The following GPR176 variants were observed in gnomAD, a reference collection of about 807,000 sequenced individuals.
GPR176 encodes the protein G protein-coupled receptor 176.
In GPR176, 26 loss-of-function variants were observed where a neutral mutation model predicts 35.4. The observed-to-expected ratio is 0.74, with a 90% CI of 0.54 to 1.02. GPR176 has a LOEUF of 1.02. Ranked by LOEUF, GPR176 falls within the 50% of genes least tolerant of loss-of-function variation. The pLI, the probability that GPR176 is intolerant of heterozygous loss-of-function variation, is 0.00. For missense variants in GPR176, 597 were observed against 665.3 expected (o/e 0.90, Z 1.13); for synonymous variants, 278 against 271.3 (o/e 1.02, Z -0.24).
At chr15:39,812,150 T>A (rs1341127849) in intron 1 of GPR176, among the ~76,000 whole-genome samples, 1 of 152,234 alleles carries the variant, frequency 6.6e-6, no homozygotes, top group East Asian at 1.9e-4. Flanking sequence ...AAGAATCTTA[T>A]AACAGTATTG....
At chr15:39,816,389 A>G (rs1899908681) in intron 1 of GPR176, among the ~76,000 whole-genome samples, 1 of 152,244 alleles carries the variant, frequency 6.6e-6, no homozygotes, top group Non-Finnish European at 1.5e-5. Flanking sequence ...ACACAGATAT[A>G]TACCATTTTT....
At chr15:39,870,720 T>C (rs182690275) in intron 1 of GPR176, among the ~76,000 whole-genome samples, 1 of 152,130 alleles carries the variant, frequency 6.6e-6, no homozygotes, top group African/African-American at 2.4e-5. Flanking sequence ...TTACACTGCA[T>C]AATATATGAG....
chr15:39,907,517 C>G (rs1317714906), intron 1 of GPR176, among the ~76,000 whole-genome samples: 1 of 152,232 alleles, frequency 6.6e-6, no homozygotes, highest in Non-Finnish European at 1.5e-5. Context: ...ATTTTCCCAA[C>G]CATACACCTG....
In GPR176 at chr15:39,881,452, C is replaced by T. The variant is rs149458787; in HGVS notation, c.172+38403G>A. On this transcript the variant is annotated intron_variant, in intron 1 of 2. Coordinates refer to ENST00000561100, the MANE Select transcript of GPR176 (RefSeq NM_007223.3). ...TCAGGCAATCAATCGGTCAAGTGTC[C>T]AGTGGCGGGATTTGGCTGTTTGAGA... 2.6e-5 allele frequency among the ~76,000 whole-genome samples: 4 copies of T among 152,296 alleles called. No individual in the cohort carries two copies. In the East Asian group the frequency reaches 7.7e-4, roughly 29 times the overall value.
At chr15:39,888,861 T>G (rs952106847) in intron 1 of GPR176, among the ~76,000 whole-genome samples, 1 of 152,168 alleles carries the variant, frequency 6.6e-6, no homozygotes, top group Non-Finnish European at 1.5e-5. Flanking sequence ...AGGTAATTGT[T>G]TGCGATAAAC....
At chr15:39,896,853 TG>T (rs1295691128) in intron 1 of GPR176, among the ~76,000 whole-genome samples, 3 of 152,208 alleles carry the variant, frequency 2.0e-5, no homozygotes, top group Non-Finnish European at 4.4e-5. Flanking sequence ...CTGGGCAACA[TG>T]GGAAGATCCT....
Position 39,919,921 on chromosome 15 carries a change from C to T in GPR176, c.106G>A (p.Glu36Lys), listed in dbSNP as rs2033832202. Residue 36 changes from glutamate (E) to lysine (K), a missense_variant, in exon 1 of 3, where the codon GAG becomes AAG. Transcript: ENST00000561100. ...GTGAACTGGCGGTACAGCTGCGCCT[C>T]GCCGAACTCCCCGAGCGCGCTGCGG... ...VNRSALGEFG[E>K]AQLYRQFTTT... 1 of 1,525,588 alleles carries T rather than the reference C, an allele frequency of 6.6e-7. No homozygotes were observed. The highest frequency in any genetic ancestry group is 1.2e-5 in the South Asian group (1 of 80,308). The allele number at this position is 1,525,588 out of a possible 1,614,324, so 94.5% of individuals were successfully genotyped here.
In GPR176 at chr15:39,801,995, G is replaced by A. The variant is rs139891601; in HGVS notation, c.685C>T (p.Arg229Ter). Residue 229 changes from arginine to a stop codon, truncating the protein, a stop_gained, in exon 3 of 3, where the codon CGA becomes TGA. Coordinates refer to ENST00000561100, the MANE Select transcript of GPR176 (RefSeq NM_007223.3). LOFTEE classifies it high-confidence loss of function. ...VVVFLFLILIRRALSASQKKK... is the reference protein window; with the variant it reads ...VVVFLFLILI ...TTCTGGCTGGCACTCAGGGCCCGTC[G>A]GATCAGTATCAAGAAGAGGAACACC... 2.5e-6 allele frequency: 4 copies of A among 1,613,902 alleles called. No individual in the cohort carries two copies. Among genetic ancestry groups the A allele is most frequent in the African/African-American group, 2.7e-5 (2 of 74,858 alleles).
intron 1 of GPR176, among the ~76,000 whole-genome samples, chr15:39,884,809 T>C (rs1179700416): frequency 2.0e-5 from 3 of 152,180 alleles, no homozygotes. Context: ...CACAACCCGC[T>C]GGTCAGACCT....
intron 1 of GPR176, among the ~76,000 whole-genome samples, chr15:39,850,068 T>A (rs547524531): frequency 1.3e-5 from 2 of 152,292 alleles, no homozygotes; most frequent in East Asian, 3.9e-4. Flanking sequence ...GGTACACTTG[T>A]ATAGGGCACT....
intron 1 of GPR176, among the ~76,000 whole-genome samples, chr15:39,886,380 C>T (rs889934857): frequency 6.6e-6 from 1 of 152,176 alleles, no homozygotes; most frequent in African/African-American, 2.4e-5. Context: ...AGCAGCACAA[C>T]CTGGGGACTT....
intron 1 of GPR176, among the ~76,000 whole-genome samples, chr15:39,814,210 T>C (rs1899750797): frequency 6.6e-6 from 1 of 152,216 alleles, no homozygotes; most frequent in African/African-American, 2.4e-5. Context: ...TTCTCTTCAT[T>C]CTCTTTTTCT....
intron 1 of GPR176, among the ~76,000 whole-genome samples, chr15:39,832,697 T>C (rs1221800277): frequency 2.0e-5 from 2 of 98,362 alleles, no homozygotes; most frequent in African/African-American, 5.8e-5. Context: ...ACAAATCTTA[T>C]AATGTCTTAA....
At chr15:39,835,920 C>T (rs1901373568) in intron 1 of GPR176, among the ~76,000 whole-genome samples, 2 of 152,066 alleles carry the variant, frequency 1.3e-5, no homozygotes, top group Admixed American at 6.6e-5. Flanking sequence ...CATGGCAAAA[C>T]CCAGTCTCTA....
intron 1 of GPR176, among the ~76,000 whole-genome samples, chr15:39,880,074 C>G (rs1371759849): frequency 6.6e-6 from 1 of 152,234 alleles, no homozygotes; most frequent in Non-Finnish European, 1.5e-5. Context: ...CTTCAACCTT[C>G]TCAAGACTCA....
intron 1 of GPR176, among the ~76,000 whole-genome samples, chr15:39,842,836 A>C (rs768295321): frequency 1.3e-5 from 2 of 152,026 alleles, no homozygotes; most frequent in Non-Finnish European, 2.9e-5. Context: ...GGCCCACCAA[A>C]AGTCTGTACA....
intron 1 of GPR176, among the ~76,000 whole-genome samples, chr15:39,872,747 T>C (rs1289679937): frequency 6.6e-6 from 1 of 152,092 alleles, no homozygotes. Flanking sequence ...CACGTACCTT[T>C]AAAAGACCAT....
intron 1 of GPR176, among the ~76,000 whole-genome samples, chr15:39,905,109 G>C (rs1312612638): frequency 6.6e-6 from 1 of 152,222 alleles, no homozygotes; most frequent in Admixed American, 6.5e-5. Context: ...GGAGGAAGCA[G>C]ACTAGACTCC....
intron 2 of GPR176, among the ~76,000 whole-genome samples, chr15:39,805,595 A>G (rs1387478378): frequency 6.6e-6 from 1 of 152,106 alleles, no homozygotes; most frequent in Non-Finnish European, 1.5e-5. Context: ...ACGTGCCACA[A>G]TTGCAACCTG....
Sources: gnomAD v4.1 joint callset for allele counts (sites outside exome capture counted in the v4.1 genomes callset) on GRCh38, gnomAD v4.1.1 for gene constraint, MANE v1.5 for transcripts, NCBI Gene and HGNC (gene_info 2026-07-23, HGNC 2026-07-21) for gene names.